The following EIF3A variants were observed in gnomAD, a reference collection of about 807,000 sequenced individuals.
EIF3A encodes eukaryotic translation initiation factor 3 subunit A.
EIF3A carries 21 observed loss-of-function variants against 186.6 expected under a neutral mutation model. The observed-to-expected ratio is 0.11, with a 90% CI of 0.08 to 0.16. The LOEUF (loss-of-function observed/expected upper bound fraction) is 0.16. EIF3A is among the 10% of genes least tolerant of loss of function. The pLI is 1.00. For synonymous variants in EIF3A, 563 were observed against 584.3 expected (o/e 0.96, Z 0.52); for missense variants, 1,306 against 1,796.3 (o/e 0.73, Z 4.93).
rs753587192 is a variant in EIF3A at position 119,042,053 on chromosome 10, C to T, written c.3467G>A (p.Arg1156Gln). 72 of 1,614,014 alleles carry T rather than the reference C, an allele frequency of 4.5e-5. No homozygotes were observed. The East Asian group carries it at 1.5e-3, about 33-fold the overall frequency. Reference sequence around the variant, plus strand: ...TGAGTCATCACCCCGTCTGGGAAACCGATCATCATCAGCACGTCTTGAAAG... The same window carrying T: ...TGAGTCATCACCCCGTCTGGGAAACTGATCATCATCAGCACGTCTTGAAAG... ...DRLSRRADDD[R>Q]FPRRGDDSRP... The change falls in exon 19 of 22, where the codon CGG becomes CAG. Residue 1156 changes from arginine (R) to glutamine (Q), a missense_variant. By Grantham distance (43) the Arg-to-Gln change is conservative (BLOSUM62 1). This residue lies in a region of EIF3A where 331 missense variants were observed against 365.8 expected (regional missense o/e 0.90). Coordinates refer to ENST00000369144, the MANE Select transcript of EIF3A (RefSeq NM_003750.4). The surrounding 1 kb of genome is among the most constrained non-coding windows in gnomAD (Gnocchi z 7.8).
chr10:119,059,869 A>C, intron 9 of EIF3A, 151 bp from the exon 10 acceptor site: 27 of 668,002 alleles, frequency 4.0e-5, no homozygotes, highest in East Asian at 5.2e-5. Context: ...ATCCCAGACC[A>C]TCGACTCTAA....
At chr10:119,063,418 T>C (rs895604120) in intron 7 of EIF3A, among the ~76,000 whole-genome samples, 4 of 152,236 alleles carry the variant, frequency 2.6e-5, no homozygotes, top group African/African-American at 9.6e-5. Context: ...GCAGAAAATT[T>C]AGGCCTTTTA....
intron 14 of EIF3A, 139 bp from the exon 15 acceptor site, chr10:119,051,460 T>C: frequency 1.3e-6 from 1 of 787,222 alleles, no homozygotes; most frequent in Non-Finnish European, 1.9e-6. Context: ...AAACGTTAAC[T>C]ACATCCATGT....
intron 19 of EIF3A, among the ~76,000 whole-genome samples, chr10:119,040,026 G>A (rs559625363): frequency 1.3e-5 from 2 of 152,126 alleles, no homozygotes; most frequent in Non-Finnish European, 2.9e-5. Context: ...TTTAACATGA[G>A]GAAAAGAAAA....
In EIF3A at chr10:119,060,704, G is replaced by A. The variant is rs1206747146; in HGVS notation, c.1326+42C>T. The A allele has an allele frequency of 2.1e-6, 3 of 1,455,084 alleles. No individual in the cohort carries two copies. The African/African-American group carries it at 4.3e-5, about 21-fold the overall frequency. 90.1% of individuals were successfully genotyped at this position (1,455,084 alleles called of 1,614,324 possible). A position where few individuals can be genotyped will look rare whatever the true frequency, so the allele number is the denominator to read the frequency against. On this transcript the variant is annotated intron_variant, in intron 9 of 21. Coordinates refer to ENST00000369144, the MANE Select transcript of EIF3A (RefSeq NM_003750.4). ...TTTCCAGTTTTTAGTTTCATGATGA[G>A]CACATAACATCACAAAACTTTTTTT...
intron 14 of EIF3A, among the ~76,000 whole-genome samples, chr10:119,055,301 A>G (rs924729343): frequency 2.0e-5 from 3 of 152,230 alleles, no homozygotes; most frequent in African/African-American, 7.2e-5. Context: ...CAGTCGGTAG[A>G]ACAGTCAGAA....
intron 14 of EIF3A, among the ~76,000 whole-genome samples, chr10:119,053,916 C>CTTTA (rs1368653719): frequency 6.6e-6 from 1 of 152,156 alleles, no homozygotes; most frequent in Non-Finnish European, 1.5e-5. Context: ...CTGCAGCTTC[C>CTTTA]TTTATTGATT....
chr10:119,060,133 G>A (rs1182110481), intron 9 of EIF3A: 2 of 501,758 alleles, frequency 4.0e-6, no homozygotes, highest in Non-Finnish European at 7.8e-6. Flanking sequence ...TCAATGAAAT[G>A]TGCACAAATA....
Position 119,036,046 on chromosome 10 carries a change from C to T in EIF3A, c.4142G>A (p.Arg1381Gln), listed in dbSNP as rs1271648760. Residue 1381 changes from arginine (R) to glutamine (Q), a missense_variant, in exon 22 of 22, where the codon CGA becomes CAA. Physicochemically the swap from Arg to Gln is conservative, Grantham distance 43. Transcript: ENST00000369144. ...AATCCATTATCTTGAGACTTAACGT[C>T]GTACTGTGGTCCATCCATCTTCATC... ...ETDEDGWTTVRR is the reference protein window; with the variant it reads ...ETDEDGWTTVQR 2 of 1,611,740 alleles carry T rather than the reference C, an allele frequency of 1.2e-6. No homozygotes were observed. Among genetic ancestry groups the T allele is most frequent in the East Asian group, 2.2e-5 (1 of 44,880 alleles).
chr10:119,050,732 T>C (rs1044590142), intron 15 of EIF3A, 58 bp from the exon 16 acceptor site: 8 of 1,582,434 alleles, frequency 5.1e-6, no homozygotes, highest in South Asian at 3.3e-5. Context: ...AGCAACAAAC[T>C]CGCAGAAAGC....
At chr10:119,050,381 T>C in intron 16 of EIF3A, 140 bp downstream of exon 16, 2 of 785,666 alleles carry the variant, frequency 2.5e-6, no homozygotes, top group South Asian at 1.9e-5. Context: ...TACAGCAAAC[T>C]GGGTTCTGAG....
intron 7 of EIF3A, among the ~76,000 whole-genome samples, chr10:119,062,518 A>T (rs17098395): frequency 0.027 from 4,051 of 152,204 alleles, 176 homozygotes; most frequent in African/African-American, 0.089. Context: ...TAATCCATTC[A>T]CTTGACACTA....
At chr10:119,072,525 T>G (rs1382775287) in intron 4 of EIF3A, among the ~76,000 whole-genome samples, 1 of 152,224 alleles carries the variant, frequency 6.6e-6, no homozygotes, top group African/African-American at 2.4e-5. Flanking sequence ...CCATCCTGGC[T>G]CACTGCAACC....
rs907868512 is a variant in EIF3A, at chr10:119,054,219, C to A, written c.2196+2521G>T. 1.3e-5 allele frequency among the ~76,000 whole-genome samples: 2 copies of A among 152,066 alleles called. 1 individual carries two copies. The highest frequency in any genetic ancestry group is 4.1e-4 in the South Asian group (2 of 4,826). ...TACAGACGTGAGCCACCAGGCCTGG[C>A]CTTCTGCGGCTTTCTAACCTCTCTC... On this transcript the variant is annotated intron_variant, in intron 14 of 21. Coordinates refer to ENST00000369144, the MANE Select transcript of EIF3A (RefSeq NM_003750.4).
rs776754290 is a variant in EIF3A, at chr10:119,037,141, T to G, written c.3897A>C (p.Pro1299=). 1.4e-6 allele frequency: 2 copies of G among 1,423,420 alleles called. No individual in the cohort carries two copies. Among genetic ancestry groups the G allele is most frequent in the South Asian group, 1.1e-5 (1 of 88,690 alleles). 88.2% of individuals were successfully genotyped at this position (1,423,420 alleles called of 1,614,324 possible). The change falls in exon 21 of 22, where the codon CCA becomes CCC. Residue 1299 remains proline, a synonymous_variant. Coordinates refer to ENST00000369144, the MANE Select transcript of EIF3A (RefSeq NM_003750.4). ...LRDDRDRRGP[P]LRSEREEVSS... ...TACCTTCTTCACGTTCTGATCTGAG[T>G]GGAGGTCCTCTTCGGTCCCTGTCGT...
At chr10:119,047,516 G>C (rs2119818351) in intron 17 of EIF3A, among the ~76,000 whole-genome samples, 1 of 152,276 alleles carries the variant, frequency 6.6e-6, no homozygotes, top group African/African-American at 2.4e-5. Context: ...ATGTACAAAA[G>C]GGTGGACAGA....
chr10:119,067,411 G>A (rs568275510), intron 6 of EIF3A, among the ~76,000 whole-genome samples: 94 of 152,130 alleles, frequency 6.2e-4, no homozygotes, highest in African/African-American at 2.0e-3. Flanking sequence ...GCAACATAAC[G>A]AGACCCTGCC....
At chr10:119,053,557 C>CAAAAAAAAA (rs33979018) in intron 14 of EIF3A, among the ~76,000 whole-genome samples, 1 of 110,526 alleles carries the variant, frequency 9.0e-6, no homozygotes, top group African/African-American at 3.4e-5. Context: ...ACTAAAAATA[C>CAAAAAAAAA]AAAAAAAAAA....
Position 119,043,286 on chromosome 10 carries a change from G to GTGCA in EIF3A, c.2748-518_2748-515dup, listed in dbSNP as rs558115875. On this transcript the variant is annotated intron_variant, in intron 18 of 21. Coordinates refer to ENST00000369144, the MANE Select transcript of EIF3A (RefSeq NM_003750.4). ...ATGCAAAAATTAGCCAGGCGTGGTG[G>GTGCA]TGCATGTCTGTAATCCTACTTGGGA... Among the ~76,000 whole-genome samples the GTGCA allele has an allele frequency of 2.2e-3, 333 of 152,216 alleles. 2 individuals are homozygous for GTGCA. Among genetic ancestry groups the GTGCA allele is most frequent in the African/African-American group, 7.6e-3 (317 of 41,524 alleles).
Sources: allele counts gnomAD v4.1 joint callset (sites outside exome capture counted in the v4.1 genomes callset), GRCh38; gene constraint gnomAD v4.1.1; regional missense constraint gnomAD v4.1.1; non-coding constraint Gnocchi (gnomAD v3.1); transcripts MANE v1.5; gene names NCBI Gene and HGNC (gene_info 2026-07-23, HGNC 2026-07-21).